NDRG2: variants seen among roughly 807,000 people sequenced by gnomAD.
NDRG2 encodes protein NDRG2.
NDRG2 carries 34 observed loss-of-function variants against 58.2 expected under a neutral mutation model. The observed-to-expected ratio is 0.58, with a 90% CI of 0.44 to 0.78. NDRG2 has a LOEUF of 0.78. NDRG2 is among the 30% of genes least tolerant of loss of function. NDRG2 has a pLI of 0.00. For synonymous variants in NDRG2, 187 were observed against 175.9 expected, an observed-to-expected ratio of 1.06 and a Z score of -0.50; for missense variants, 434 against 471.2, an observed-to-expected ratio of 0.92 and a Z score of 0.73.
upstream of NDRG2, chr14:21,030,758 A>G: frequency 6.2e-7 from 1 of 1,613,436 alleles, no homozygotes; most frequent in Non-Finnish European, 8.5e-7. Context: ...AAGTCAAGTG[A>G]GGAGCCAAAA....
At chr14:21,061,754 G>C (rs1466914536) in intron 1 of NDRG2, among the ~76,000 whole-genome samples, 2 of 152,178 alleles carry the variant, frequency 1.3e-5, no homozygotes, top group Non-Finnish European at 2.9e-5. Context: ...TTGTATTAAG[G>C]AATTTGTATT....
chr14:21,042,044 G>C (rs1884921855), intron 1 of NDRG2, among the ~76,000 whole-genome samples: 1 of 152,218 alleles, frequency 6.6e-6, no homozygotes, highest in Non-Finnish European at 1.5e-5. Flanking sequence ...AAGTGTATAT[G>C]AGAGGATATG....
In NDRG2 at chr14:21,024,610, G is replaced by A. The variant is rs1244533091; in HGVS notation, c.-587C>T. Reference sequence around the variant, plus strand: ...CTCTCCTCTACTCAGTCTCCGTGTAGGTCCCACGAGTGGAGAAAGGGAGAG... The same window carrying A: ...CTCTCCTCTACTCAGTCTCCGTGTAAGTCCCACGAGTGGAGAAAGGGAGAG... On this transcript the variant is annotated 5_prime_UTR_variant, in exon 1 of 16. Transcript: ENST00000556147. The A allele has an allele frequency of 2.0e-6, 2 of 985,314 alleles. No homozygotes were observed. Among genetic ancestry groups the A allele is most frequent in the East Asian group, 1.1e-4 (1 of 8,818 alleles). 61.0% of individuals were successfully genotyped at this position (985,314 alleles called of 1,614,324 possible).
At chr14:21,042,643 G>T (rs1884953745) in intron 1 of NDRG2, among the ~76,000 whole-genome samples, 1 of 152,134 alleles carries the variant, frequency 6.6e-6, no homozygotes, top group Non-Finnish European at 1.5e-5. Flanking sequence ...ACACAGACGA[G>T]ATGGGAATCG....
At position 21,018,020 on chromosome 14, in the gene NDRG2, C is replaced by T; in HGVS notation, c.916G>A (p.Ala306Thr). Residue 306 changes from alanine (A) to threonine (T), a missense_variant, in exon 15 of 16, where the codon GCC (alanine) becomes ACC (threonine). Ala to Thr is a moderately conservative substitution (Grantham distance 58, BLOSUM62 0). Coordinates refer to ENST00000556147, the MANE Select transcript of NDRG2 (RefSeq NM_001320329.2). ...ATGCCTTGCAGGAAGTACTTGAAGG[C>T]CTCGGTCAGCTTGCCTGGCTGCGGA... ...QLTQPGKLTE[A>T]FKYFLQGMGY... The T allele has an allele frequency of 1.2e-6, 2 of 1,614,196 alleles. No homozygotes were observed. Among genetic ancestry groups the T allele is most frequent in the Non-Finnish European group, 1.7e-6 (2 of 1,180,038 alleles).
chr14:21,045,255 G>C lies in NDRG2; in HGVS notation c.25-21934C>G, dbSNP rs185147033. 4.0e-4 allele frequency among the ~76,000 whole-genome samples: 61 copies of C among 152,274 alleles called. No homozygotes were observed. In the East Asian group the frequency reaches 0.01, roughly 26 times the overall value. Reference sequence around the variant, plus strand: ...GCCAGGTTGTCTGAGATGATGAGGAGAGAAAGTAAGGAAAGGATGATTAAA... The same window carrying C: ...GCCAGGTTGTCTGAGATGATGAGGACAGAAAGTAAGGAAAGGATGATTAAA... On this transcript the variant is annotated intron_variant, in intron 1 of 14. Coordinates refer to the NDRG2 transcript ENST00000403829.
upstream of NDRG2, among the ~76,000 whole-genome samples, chr14:21,026,889 CG>C (rs1883706504): frequency 6.6e-6 from 1 of 152,116 alleles, no homozygotes; most frequent in Non-Finnish European, 1.5e-5. Flanking sequence ...GCCAAAGGTG[CG>C]CAAGACAGGA....
Position 21,020,928 on chromosome 14 carries a change from C to G in NDRG2, c.408-84G>C, listed in dbSNP as rs775870824. On this transcript the variant is annotated intron_variant, in intron 6 of 15. Coordinates refer to ENST00000556147, the MANE Select transcript of NDRG2 (RefSeq NM_001320329.2). ...CCCATCTCTTCAAACTCTTCACCCT[C>G]CCTCCTGAGTCCACGGGCACAAAGA... 5.6e-6 allele frequency: 8 copies of G among 1,425,310 alleles called. No individual in the cohort carries two copies. The African/African-American group carries it at 9.9e-5, about 18-fold the overall frequency. The allele number at this position is 1,425,310 out of a possible 1,614,324, so 88.3% of individuals were successfully genotyped here. A position where few individuals can be genotyped will look rare whatever the true frequency, so the allele number is the denominator to read the frequency against.
intron 1 of NDRG2, among the ~76,000 whole-genome samples, chr14:21,067,376 T>C (rs1255151751): frequency 1.6e-4 from 25 of 152,152 alleles, no homozygotes; most frequent in Non-Finnish European, 4.4e-5. Flanking sequence ...TTTAGCCTGA[T>C]GGTTTGGTGG....
intron 5 of NDRG2, 39 bp from the exon 6 acceptor site, chr14:21,021,918 C>A: frequency 6.2e-7 from 1 of 1,611,256 alleles, no homozygotes; most frequent in Non-Finnish European, 8.5e-7. Context: ...TACCAACCTG[C>A]CCTCACACCC....
chr14:21,018,430 A>C, intron 13 of NDRG2, 27 bp downstream of exon 13: 2 of 1,613,204 alleles, frequency 1.2e-6, no homozygotes, highest in Non-Finnish European at 1.7e-6. Flanking sequence ...ATGACTGTGG[A>C]CGGGGGCCCA....
At chr14:21,056,945 G>A (rs888475061) in intron 1 of NDRG2, among the ~76,000 whole-genome samples, 11 of 152,158 alleles carry the variant, frequency 7.2e-5, no homozygotes, top group African/African-American at 2.4e-4. Context: ...AACCCAACTC[G>A]CCATGCTGCT....
intron 1 of NDRG2, among the ~76,000 whole-genome samples, chr14:21,059,577 C>G (rs1885847325): frequency 6.6e-6 from 1 of 152,084 alleles, no homozygotes; most frequent in Admixed American, 6.5e-5. Context: ...TCACTGCAGT[C>G]TCGACATCCT....
At position 21,056,397 on chromosome 14, in the gene NDRG2, G is replaced by A. The variant is rs187530359; in HGVS notation, c.24+14431C>T. 5.3e-5 allele frequency among the ~76,000 whole-genome samples: 8 copies of A among 152,230 alleles called. No homozygotes were observed. In the East Asian group the frequency reaches 1.5e-3, roughly 29 times the overall value. On this transcript the variant is annotated intron_variant, in intron 1 of 14. Transcript: ENST00000403829. ...TAATGCCATCTTTCAAAGAATACTA[G>A]TGTTACTTTGTAAACAGAAGTAAAA...
At chr14:21,031,839 G>A (rs1884196069) in intron 1 of NDRG2, 1 of 1,578,276 alleles carries the variant, frequency 6.3e-7, no homozygotes. Context: ...TTGGGGAAGG[G>A]ATATGACAGC....
In NDRG2 at chr14:21,020,707, C is replaced by A. The variant is rs111737309; in HGVS notation, c.468+77G>T. The stretch of plus-strand genomic sequence containing the variant: ...CCCACCTAGTGCCCACTTCCTCCCC[C>A]AAACAGCACTAATAAACAGTATTCT... On this transcript the variant is annotated intron_variant, in intron 7 of 15. Transcript: ENST00000556147. The A allele has an allele frequency of 2.9e-3, 4,575 of 1,598,156 alleles. 119 individuals are homozygous for A. In the African/African-American group the frequency reaches 0.055, roughly 19 times the overall value.
rs756607799 is a variant in NDRG2 at position 21,070,374 on chromosome 14, C to T, written c.24+454G>A. On this transcript the variant is annotated intron_variant, in intron 1 of 14. Transcript: ENST00000403829. The surrounding 1 kb of genome is among the most constrained non-coding windows in gnomAD (Gnocchi z 4.7). ...CGGCCCCGCCCGCCCGACCAAGCGT[C>T]GGACGCGGCCCGGCGCCGAGCCATG... is the stretch of plus-strand genomic sequence containing the variant. 40 of 1,407,466 alleles carry T rather than the reference C, an allele frequency of 2.8e-5. No individual in the cohort carries two copies. In the East Asian group the frequency reaches 1.0e-3, roughly 36 times the overall value. The allele number at this position is 1,407,466 out of a possible 1,614,324, so 87.2% of individuals were successfully genotyped here.
chr14:21,023,527 A>T (rs1412784783), intron 1 of NDRG2: 1 of 578,988 alleles, frequency 1.7e-6, no homozygotes, highest in Non-Finnish European at 3.1e-6. Context: ...AGGAATCAGG[A>T]CAGCCCTTCT....
chr14:21,050,491 A>G (rs1279968407), intron 1 of NDRG2, among the ~76,000 whole-genome samples: 1 of 152,220 alleles, frequency 6.6e-6, no homozygotes, highest in Non-Finnish European at 1.5e-5. Context: ...TGAATTTGGC[A>G]TATCCAGAAC....
Sources: allele counts gnomAD v4.1 joint callset (sites outside exome capture counted in the v4.1 genomes callset), GRCh38; gene constraint gnomAD v4.1.1; non-coding constraint Gnocchi (gnomAD v3.1); transcripts MANE v1.5; gene names NCBI Gene and HGNC (gene_info 2026-07-23, HGNC 2026-07-21).